MDFIC2: variants seen among roughly 807,000 people sequenced by gnomAD.
The protein encoded by MDFIC2 is MyoD family inhibitor domain containing 2, also known as myoD family inhibitor domain-containing protein 2.
chr3:70,242,117 A>G (rs34170147), intron 2 of MDFIC2, among the ~76,000 whole-genome samples: 31,371 of 152,138 alleles, frequency 0.21, 3,741 homozygotes, highest in Non-Finnish European at 0.27. Flanking sequence ...ACATATGTAT[A>G]ATAGGGATGA....
intron 2 of MDFIC2, among the ~76,000 whole-genome samples, chr3:70,304,401 C>G (rs1322878190): frequency 2.0e-5 from 3 of 152,154 alleles, no homozygotes; most frequent in Non-Finnish European, 4.4e-5. Flanking sequence ...ATTCTATTGC[C>G]CAGTTGACAG....
intron 2 of MDFIC2, among the ~76,000 whole-genome samples, chr3:70,282,170 C>T (rs2106682825): frequency 6.6e-6 from 1 of 152,250 alleles, no homozygotes; most frequent in East Asian, 1.9e-4. Context: ...GCTCCCATCT[C>T]CTGGGATGCA....
intron 3 of MDFIC2, among the ~76,000 whole-genome samples, chr3:70,203,336 C>G (rs928728508): frequency 3.3e-5 from 5 of 152,084 alleles, no homozygotes; most frequent in African/African-American, 9.7e-5. Context: ...CCCACTCCCC[C>G]ACACTGAGTT....
chr3:70,269,336 A>G (rs1701952859), intron 2 of MDFIC2, among the ~76,000 whole-genome samples: 1 of 152,200 alleles, frequency 6.6e-6, no homozygotes, highest in Non-Finnish European at 1.5e-5. Context: ...AAAGGTTTCT[A>G]TGAATATACT....
chr3:70,297,295 A>G (rs376431534), intron 2 of MDFIC2, among the ~76,000 whole-genome samples: 21 of 152,128 alleles, frequency 1.4e-4, no homozygotes, highest in African/African-American at 5.1e-4. Flanking sequence ...CTGTTTACTT[A>G]AATAAGCTGG....
In MDFIC2 at chr3:70,219,482, T is replaced by A. The variant is rs1576159612; in HGVS notation, c.89-12692A>T. 2.6e-5 allele frequency among the ~76,000 whole-genome samples: 4 copies of A among 152,266 alleles called. No individual in the cohort carries two copies. In the South Asian group the frequency reaches 8.3e-4, roughly 32 times the overall value. On this transcript the variant is annotated intron_variant, in intron 2 of 3. Transcript: ENST00000567252. ...CTGATCCAGAAATAATTTGTTACCA[T>A]AAACAGAAGAAATTTTTCAAAAATT...
At chr3:70,295,433 G>A (rs889287943) in intron 2 of MDFIC2, among the ~76,000 whole-genome samples, 3 of 152,106 alleles carry the variant, frequency 2.0e-5, no homozygotes, top group African/African-American at 7.2e-5. Context: ...CCCAGACATG[G>A]TGGCTTATTA....
At chr3:70,296,020 A>C (rs1702286428) in intron 2 of MDFIC2, among the ~76,000 whole-genome samples, 3 of 152,200 alleles carry the variant, frequency 2.0e-5, no homozygotes, top group Admixed American at 1.3e-4. Flanking sequence ...TGTGGCTAAC[A>C]TGCATTAACT....
At position 70,278,544 on chromosome 3, in the gene MDFIC2, G is replaced by A. The variant is rs1281160389; in HGVS notation, c.88+33342C>T. Among the ~76,000 whole-genome samples the A allele has an allele frequency of 4.6e-5, 7 of 152,184 alleles. No individual in the cohort carries two copies. The South Asian group carries it at 6.2e-4, about 13-fold the overall frequency. On this transcript the variant is annotated intron_variant, in intron 2 of 3. Coordinates refer to ENST00000567252, the MANE Select transcript of MDFIC2 (RefSeq NM_001364677.1). ...GACTGTATGAGAGTTCAGTCACTCT[G>A]TGCTGTTGTCAGCATTTAGTGTTTT...
In MDFIC2 at chr3:70,195,886, T is replaced by C. The variant is rs888841468; in HGVS notation, c.*1040A>G. On this transcript the variant is annotated 3_prime_UTR_variant, in exon 4 of 4. Transcript: ENST00000567252. ...GAGTCGAAAATCACTTTCCAGTCTATATCACATCTTTTTCTTAAAAAAATA... is the reference window on the plus strand; with the variant it reads ...GAGTCGAAAATCACTTTCCAGTCTACATCACATCTTTTTCTTAAAAAAATA... Among the ~76,000 whole-genome samples, 4 of 152,174 alleles carry C rather than the reference T, an allele frequency of 2.6e-5. No homozygotes were observed. The highest frequency in any genetic ancestry group is 6.5e-5 in the Admixed American group (1 of 15,270).
chr3:70,244,742 A>G (rs1701690789), intron 2 of MDFIC2, among the ~76,000 whole-genome samples: 1 of 152,238 alleles, frequency 6.6e-6, no homozygotes. Flanking sequence ...TATGAATAAA[A>G]TGGTACTTAT....
chr3:70,295,152 C>T (rs1318570140), intron 2 of MDFIC2, among the ~76,000 whole-genome samples: 1 of 152,040 alleles, frequency 6.6e-6, no homozygotes, highest in Non-Finnish European at 1.5e-5. Flanking sequence ...ATGGAGTCAC[C>T]CTGGAAATGC....
At chr3:70,277,027 A>T (rs1285435594) in intron 2 of MDFIC2, among the ~76,000 whole-genome samples, 5 of 151,980 alleles carry the variant, frequency 3.3e-5, no homozygotes, top group African/African-American at 1.2e-4. Context: ...TTAGCATGGC[A>T]TTCATGGATA....
intron 2 of MDFIC2, among the ~76,000 whole-genome samples, chr3:70,280,916 A>T (rs985196076): frequency 6.6e-6 from 1 of 152,028 alleles, no homozygotes; most frequent in African/African-American, 2.4e-5. Context: ...GGGTTTCCCT[A>T]CTCAGTCTAC....
intron 2 of MDFIC2, among the ~76,000 whole-genome samples, chr3:70,304,396 A>G (rs1385290435): frequency 2.6e-5 from 4 of 152,160 alleles, no homozygotes; most frequent in African/African-American, 9.7e-5. Flanking sequence ...CATATATTCT[A>G]TTGCCCAGTT....
chr3:70,205,455 T>C (rs1223010750), intron 3 of MDFIC2: 4 of 152,150 alleles, frequency 2.6e-5, no homozygotes, highest in Non-Finnish European at 4.4e-5. Context: ...TAATATATGA[T>C]AGAAATCTTC....
chr3:70,212,732 T>C (rs1162422425), intron 2 of MDFIC2, among the ~76,000 whole-genome samples: 1 of 152,030 alleles, frequency 6.6e-6, no homozygotes, highest in East Asian at 1.9e-4. Flanking sequence ...AACACACACA[T>C]CATGAACACA....
intron 2 of MDFIC2, among the ~76,000 whole-genome samples, chr3:70,297,585 G>A (rs963247334): frequency 4.6e-5 from 7 of 151,914 alleles, no homozygotes; most frequent in African/African-American, 9.7e-5. Context: ...TTGTGTTATC[G>A]GAATTCTTTG....
chr3:70,222,606 C>T (rs947231316), intron 2 of MDFIC2, among the ~76,000 whole-genome samples: 3 of 151,942 alleles, frequency 2.0e-5, no homozygotes, highest in African/African-American at 7.3e-5. Context: ...ATAGAAATTC[C>T]AAAAGAATAA....
Sources: allele counts gnomAD v4.1 joint callset (sites outside exome capture counted in the v4.1 genomes callset), GRCh38; gene constraint gnomAD v4.1.1; transcripts MANE v1.5; gene names NCBI Gene and HGNC (gene_info 2026-07-23, HGNC 2026-07-21).